The following CNST variants were observed in gnomAD, a reference collection of about 807,000 sequenced individuals.
The protein encoded by CNST is consortin, connexin sorting protein.
In CNST, 39 loss-of-function variants were observed where a neutral mutation model predicts 72.4. The observed-to-expected ratio is 0.54, with a 90% CI of 0.42 to 0.70. CNST has a LOEUF of 0.70. Among genes scored for constraint, CNST ranks in the 30% least tolerant of loss-of-function variants. The probability of loss-of-function intolerance (pLI) is 0.00; values close to 1 mark genes in which losing one functional copy is unlikely to be tolerated. For synonymous variants in CNST, 332 were observed against 320.1 expected (o/e 1.04, Z -0.40); for missense variants, 871 against 868.5 (o/e 1.00, Z -0.04).
At chr1:246,636,308 G>A (rs1429967889) in intron 6 of CNST, among the ~76,000 whole-genome samples, 1 of 152,082 alleles carries the variant, frequency 6.6e-6, no homozygotes, top group East Asian at 1.9e-4. Context: ...CCTCTTACTG[G>A]GTTGGTAAGT....
At chr1:246,612,399 C>T (rs971624996) in intron 2 of CNST, among the ~76,000 whole-genome samples, 10 of 152,164 alleles carry the variant, frequency 6.6e-5, no homozygotes, top group Middle Eastern at 3.4e-3. Context: ...GACGGAGTTT[C>T]GCCATGTTGG....
chr1:246,634,584 A>T lies in CNST; in HGVS notation c.815A>T (p.Gln272Leu), dbSNP rs376138645. The change falls in exon 6 of 11, where the codon CAA becomes CTA. Residue 272 changes from glutamine to leucine, a missense_variant. Physicochemically the swap from Gln to Leu is moderately radical, Grantham distance 113. Transcript: ENST00000366513. ...CTTACGAAAATTTGTGCAACACATC[A>T]AGAGTAAGTATATCAGAATTTCGTT... Reference protein sequence around the residue: ...ERLTKICATHQDPLLSKHKIA... With the variant: ...ERLTKICATHLDPLLSKHKIA... 3 of 1,540,688 alleles carry T rather than the reference A, an allele frequency of 1.9e-6. No homozygotes were observed. Among genetic ancestry groups the T allele is most frequent in the Non-Finnish European group, 2.7e-6 (3 of 1,126,862 alleles).
intron 1 of CNST, 80 bp downstream of exon 1, chr1:246,566,743 C>T (rs1397502207): frequency 7.5e-6 from 3 of 399,750 alleles, no homozygotes; most frequent in Non-Finnish European, 1.3e-5. Context: ...CCTCTCGCTC[C>T]TCCCCCTGCG....
intron 9 of CNST, among the ~76,000 whole-genome samples, chr1:246,655,046 C>G (rs1437932732): frequency 6.6e-6 from 1 of 152,188 alleles, no homozygotes; most frequent in East Asian, 1.9e-4. Flanking sequence ...ACTGAACTGG[C>G]AGCTATTTAA....
chr1:246,597,592 A>T (rs1021786015), intron 2 of CNST, among the ~76,000 whole-genome samples: 5 of 152,242 alleles, frequency 3.3e-5, no homozygotes, highest in Non-Finnish European at 5.9e-5. Context: ...TGGGAAGGGA[A>T]GACCTTTCTC....
chr1:246,609,308 G>C (rs984198677), intron 2 of CNST, among the ~76,000 whole-genome samples: 25 of 152,242 alleles, frequency 1.6e-4, no homozygotes, highest in African/African-American at 5.5e-4. Flanking sequence ...AGGCACGGCA[G>C]CTCACGCCTT....
chr1:246,567,863 A>G (rs1659818537), intron 1 of CNST, among the ~76,000 whole-genome samples: 1 of 152,110 alleles, frequency 6.6e-6, no homozygotes, highest in Non-Finnish European at 1.5e-5. Context: ...CTCCCCTTAA[A>G]AAACATTTTC....
chr1:246,643,075 G>A (rs1408113383), intron 8 of CNST, among the ~76,000 whole-genome samples: 2 of 150,992 alleles, frequency 1.3e-5, no homozygotes, highest in African/African-American at 4.9e-5. Flanking sequence ...AATTTTTGTG[G>A]GTATGGAGGT....
chr1:246,634,674 T>TG (rs1665035104), intron 6 of CNST, 87 bp downstream of exon 6: 4 of 731,198 alleles, frequency 5.5e-6, no homozygotes, highest in Middle Eastern at 2.6e-4. Flanking sequence ...CTTTGTTTTA[T>TG]GTTTTCAACT....
chr1:246,601,062 T>C (rs1356775645), intron 2 of CNST, among the ~76,000 whole-genome samples: 2 of 152,068 alleles, frequency 1.3e-5, no homozygotes, highest in African/African-American at 4.8e-5. Flanking sequence ...CCCAGCACTT[T>C]GGGAGGCCGA....
At chr1:246,575,086 C>G (rs1441497409) in intron 1 of CNST, among the ~76,000 whole-genome samples, 4 of 152,008 alleles carry the variant, frequency 2.6e-5, no homozygotes. Context: ...GCCTCCACCT[C>G]CCGGGTTCAA....
At chr1:246,630,094 C>T (rs973626519) in intron 3 of CNST, among the ~76,000 whole-genome samples, 2 of 152,184 alleles carry the variant, frequency 1.3e-5, no homozygotes, top group African/African-American at 4.8e-5. Flanking sequence ...CTGGAACCTG[C>T]TAGTACTGAC....
intron 1 of CNST, among the ~76,000 whole-genome samples, chr1:246,590,989 A>G (rs1167268119): frequency 6.6e-6 from 1 of 151,936 alleles, no homozygotes; most frequent in African/African-American, 2.4e-5. Flanking sequence ...TTCCCCTCAC[A>G]TACTTTTTTC....
chr1:246,569,644 C>T (rs1015017064), intron 1 of CNST, among the ~76,000 whole-genome samples: 2 of 152,162 alleles, frequency 1.3e-5, no homozygotes, highest in Admixed American at 1.3e-4. Context: ...GTGGCAGTCC[C>T]GGAGCCCTGA....
intron 2 of CNST, among the ~76,000 whole-genome samples, chr1:246,611,527 T>G (rs1218549714): frequency 1.3e-5 from 2 of 152,132 alleles, no homozygotes; most frequent in Non-Finnish European, 1.5e-5. Flanking sequence ...CAAAAGCATA[T>G]TTTAGATAAG....
chr1:246,648,804 C>T (rs1666282017), intron 9 of CNST, among the ~76,000 whole-genome samples: 1 of 152,080 alleles, frequency 6.6e-6, no homozygotes, highest in South Asian at 2.1e-4. Context: ...TTTTCTTCAC[C>T]ATTTTTCCCC....
Position 246,639,952 on chromosome 1 carries a change from A to G in CNST, c.819-1797A>G, listed in dbSNP as rs143830267. On this transcript the variant is annotated intron_variant, in intron 6 of 10. Coordinates refer to ENST00000366513, the MANE Select transcript of CNST (RefSeq NM_152609.3). ...GGCCAATCTCTCCATCCTCAGGGAT[A>G]CGTGTCTTCCGGCCAGCCCTCTTCC... 1.7e-3 allele frequency among the ~76,000 whole-genome samples: 261 copies of G among 151,200 alleles called. 1 individual carries two copies. The highest frequency in any genetic ancestry group is 5.3e-3 in the African/African-American group (219 of 41,338).
intron 2 of CNST, among the ~76,000 whole-genome samples, chr1:246,615,257 C>G (rs556231174): frequency 6.6e-5 from 10 of 152,240 alleles, no homozygotes; most frequent in African/African-American, 9.6e-5. Context: ...CTCACTGCAA[C>G]CTCCGCCTCC....
intron 1 of CNST, among the ~76,000 whole-genome samples, chr1:246,573,622 C>CT (rs1660198749): frequency 6.6e-6 from 1 of 152,130 alleles, no homozygotes; most frequent in African/African-American, 2.4e-5. Context: ...GAGCTTTAAC[C>CT]TGTGTGTCCA....
Sources: gnomAD v4.1 joint callset for allele counts (sites outside exome capture counted in the v4.1 genomes callset) on GRCh38, gnomAD v4.1.1 for gene constraint, MANE v1.5 for transcripts, NCBI Gene and HGNC (gene_info 2026-07-23, HGNC 2026-07-21) for gene names.